The following FAM170B variants were observed in gnomAD, a reference collection of about 807,000 sequenced individuals.
FAM170B encodes the protein family with sequence similarity 170 member B.
Under a neutral mutation model 3.9 loss-of-function variants are expected in FAM170B, and 4 were observed. The ratio of observed to expected loss-of-function variants is 1.01; its 90% confidence interval spans 0.50 to 2.32. The LOEUF (loss-of-function observed/expected upper bound fraction) is 2.32, where lower values mean the gene tolerates loss of function less well. Among genes scored for constraint, FAM170B ranks in the 30% most tolerant of loss-of-function variants. The pLI is 0.02. For missense variants in FAM170B, 417 were observed against 368.6 expected (o/e 1.13, Z -1.07); for synonymous variants, 163 against 149.8 (o/e 1.09, Z -0.64).
Position 49,133,857 on chromosome 10 carries a change from C to T in FAM170B, c.62G>A (p.Ser21Asn), listed in dbSNP as rs2132046675. Residue 21 changes from serine to asparagine, a missense_variant, in exon 1 of 2, where the codon AGC (serine) becomes AAC (asparagine). Ser to Asn is a conservative substitution (Grantham distance 46, BLOSUM62 1). Coordinates refer to ENST00000311787, the MANE Select transcript of FAM170B (RefSeq NM_001164484.2). ...CTCAGTGGACTCAGGGCTGGTCAAG[C>T]TGAGGGTGGTCCCATCGGTGGGTGA... ...EQSPTDGTTLSLTSPESTEES... is the reference protein window; with the variant it reads ...EQSPTDGTTLNLTSPESTEES... The T allele has an allele frequency of 1.3e-6, 2 of 1,551,714 alleles. No homozygotes were observed. Among genetic ancestry groups the T allele is most frequent in the Admixed American group, 3.9e-5 (2 of 51,004 alleles).
chr10:49,133,525 C>A (rs79493938), intron 1 of FAM170B, among the ~76,000 whole-genome samples: 10 of 152,290 alleles, frequency 6.6e-5, no homozygotes, highest in Admixed American at 5.9e-4. Context: ...ACAGGATGGA[C>A]GTGTTGTTTT....
In FAM170B at chr10:49,132,156, C is replaced by T; in HGVS notation, c.309G>A (p.Pro103=). 1 of 1,551,762 alleles carries T rather than the reference C, an allele frequency of 6.4e-7. No homozygotes were observed. Among genetic ancestry groups the T allele is most frequent in the Non-Finnish European group, 8.7e-7 (1 of 1,146,984 alleles). The change falls in exon 2 of 2, where the codon CCG becomes CCA. Residue 103 remains proline, a synonymous_variant. Coordinates refer to ENST00000311787, the MANE Select transcript of FAM170B (RefSeq NM_001164484.2). ...SCMCDEDNAA[P]QSVCAFYTHV... ...GCGTGTAGAAGGCACACACACTCTG[C>T]GGAGCAGCATTGTCCTCATCGCACA...
At chr10:49,132,634 A>C (rs1346500717) in intron 1 of FAM170B, among the ~76,000 whole-genome samples, 2 of 152,176 alleles carry the variant, frequency 1.3e-5, no homozygotes, top group African/African-American at 2.4e-5. Flanking sequence ...TAGGGATATG[A>C]TGATAAGGAT....
intron 1 of FAM170B, 50 bp downstream of exon 1, chr10:49,133,757 T>A (rs1173060717): frequency 3.3e-6 from 5 of 1,494,148 alleles, no homozygotes; most frequent in Non-Finnish European, 3.7e-6. Context: ...CAGGGCTTCC[T>A]TCCCAGGGAG....
At chr10:49,133,139 A>G (rs1489485576) in intron 1 of FAM170B, among the ~76,000 whole-genome samples, 2 of 152,244 alleles carry the variant, frequency 1.3e-5, no homozygotes, top group Admixed American at 6.5e-5. Context: ...CCATTTAAAA[A>G]ACAACACATG....
rs1028085707 is a variant in FAM170B, at chr10:49,131,559, G to A, written c.*54C>T. 5 of 1,485,348 alleles carry A rather than the reference G, an allele frequency of 3.4e-6. No homozygotes were observed. The highest frequency in any genetic ancestry group is 2.5e-5 in the East Asian group (1 of 40,362). 92.0% of individuals were successfully genotyped at this position (1,485,348 alleles called of 1,614,324 possible). ...GGCTCTGATACTGCTGGCTGGGGAA[G>A]GAGCAGTCCCAGGCCCTGGAGGTGA... On this transcript the variant is annotated 3_prime_UTR_variant, in exon 2 of 2. Coordinates refer to ENST00000311787, the MANE Select transcript of FAM170B (RefSeq NM_001164484.2).
At position 49,131,787 on chromosome 10, in the gene FAM170B, G is replaced by T. The variant is rs1249828052; in HGVS notation, c.678C>A (p.Gly226=). ...TCTGACAGCTGAAGCCCTCCCGGAT[G>T]CCATGCTGGGCGTGCTCCAGCAGAG... is the stretch of plus-strand genomic sequence containing the variant. ...LDALLEHAQH[G]IREGFSCQIF... Residue 226 remains glycine (G), a synonymous_variant, in exon 2 of 2, where the codon GGC becomes GGA. Transcript: ENST00000311787. 1 of 1,550,514 alleles carries T rather than the reference G, an allele frequency of 6.4e-7. No individual in the cohort carries two copies. Among genetic ancestry groups the T allele is most frequent in the Admixed American group, 2.0e-5 (1 of 51,012 alleles).
At chr10:49,133,716 C>T in intron 1 of FAM170B, 91 bp downstream of exon 1, 2 of 1,024,526 alleles carry the variant, frequency 2.0e-6, no homozygotes, top group Non-Finnish European at 3.0e-6. Flanking sequence ...GTAACAGTAT[C>T]AGGAGGCAAC....
intron 1 of FAM170B, among the ~76,000 whole-genome samples, chr10:49,132,823 T>C (rs1324747368): frequency 6.8e-6 from 1 of 145,994 alleles, no homozygotes; most frequent in African/African-American, 2.5e-5. Context: ...AAAAAGGCCA[T>C]GTAGTCATAA....
At chr10:49,132,736 T>G (rs1018664269) in intron 1 of FAM170B, among the ~76,000 whole-genome samples, 2 of 151,918 alleles carry the variant, frequency 1.3e-5, no homozygotes, top group South Asian at 2.1e-4. Context: ...TGCAACCTGT[T>G]AAATCCATGA....
Position 49,131,940 on chromosome 10 carries a change from G to A in FAM170B, c.525C>T (p.Pro175=), listed in dbSNP as rs759103665. Residue 175 remains proline, a synonymous_variant, in exon 2 of 2, where the codon CCC becomes CCT. Coordinates refer to ENST00000311787, the MANE Select transcript of FAM170B (RefSeq NM_001164484.2). The part of the protein sequence containing the change: ...DLEACKSNCS[P]EPEDIDLLEC... ...CCAGCAGGTCTATGTCCTCGGGCTC[G>A]GGGCTGCAGTTGCTCTTGCAGGCTT... is the stretch of plus-strand genomic sequence containing the variant. The A allele has an allele frequency of 1.9e-6, 3 of 1,550,458 alleles. No homozygotes were observed. The highest frequency in any genetic ancestry group is 1.4e-5 in the African/African-American group (1 of 73,070).
chr10:49,132,940 C>T (rs889364379), intron 1 of FAM170B, among the ~76,000 whole-genome samples: 2 of 152,050 alleles, frequency 1.3e-5, no homozygotes, highest in Non-Finnish European at 2.9e-5. Context: ...TCAGTGGTTG[C>T]CCAGAGCTGG....
rs1471777285 is a variant in FAM170B at position 49,133,801 on chromosome 10, A to T, written c.112+6T>A. ...GCTGACCTTCCAGGCCTTTCTTTTC[A>T]CCTACCTGGCCAGAACACTTCCACA... On this transcript the variant is annotated splice_donor_region_variant and intron_variant, in intron 1 of 1. Transcript: ENST00000311787. 1 of 1,550,896 alleles carries T rather than the reference A, an allele frequency of 6.4e-7. No individual in the cohort carries two copies. The highest frequency in any genetic ancestry group is 8.7e-7 in the Non-Finnish European group (1 of 1,146,700).
rs1419720519 is a variant in FAM170B, at chr10:49,132,300, C to T, written c.165G>A (p.Arg55=). 1 of 1,551,014 alleles carries T rather than the reference C, an allele frequency of 6.4e-7. No homozygotes were observed. The highest frequency in any genetic ancestry group is 2.4e-5 in the East Asian group (1 of 40,930). Residue 55 remains arginine (R), a synonymous_variant, in exon 2 of 2, where the codon CGG becomes CGA. Transcript: ENST00000311787. The part of the protein sequence containing the change: ...SSPRPGPAIP[R]EEGLYFAARD... ...TGGCAGCGAAGTAGAGGCCCTCCTC[C>T]CGGGGAATGGCAGGCCCCGGCCGTG...
chr10:49,133,758 TCC>T (rs1564608311), intron 1 of FAM170B, 47 bp downstream of exon 1: 3 of 1,479,806 alleles, frequency 2.0e-6, no homozygotes, highest in Non-Finnish European at 1.8e-6. Context: ...AGGGCTTCCT[TCC>T]CAGGGAGCAC....
intron 1 of FAM170B, among the ~76,000 whole-genome samples, chr10:49,132,782 A>T (rs978562220): frequency 1.3e-5 from 2 of 152,058 alleles, no homozygotes; most frequent in African/African-American, 4.8e-5. Flanking sequence ...ATGAATCCTG[A>T]ATGCATTATG....
intron 1 of FAM170B, among the ~76,000 whole-genome samples, chr10:49,133,043 C>T (rs901134713): frequency 6.6e-6 from 1 of 152,052 alleles, no homozygotes; most frequent in Admixed American, 6.5e-5. Flanking sequence ...GTTGGTGGTT[C>T]CACAAATGTA....
In FAM170B at chr10:49,133,890, C is replaced by T. The variant is rs546716271; in HGVS notation, c.29G>A (p.Gly10Glu). 10 of 1,551,660 alleles carry T rather than the reference C, an allele frequency of 6.4e-6. No homozygotes were observed. In the East Asian group the frequency reaches 2.4e-4, roughly 38 times the overall value. MKCYFTDHR[G>E]EQSPTDGTTL... ...GGTCCCATCGGTGGGTGACTGTTCT[C>T]CCCTGTGATCTGTGAAGTAGCATTT... is the stretch of plus-strand genomic sequence containing the variant. Residue 10 changes from glycine to glutamate, a missense_variant, in exon 1 of 2, where the codon GGA (glycine) becomes GAA (glutamate). Physicochemically the swap from Gly to Glu is moderately conservative, Grantham distance 98 (BLOSUM62 -2). Transcript: ENST00000311787.
At position 49,132,059 on chromosome 10, in the gene FAM170B, G is replaced by A; in HGVS notation, c.406C>T (p.Pro136Ser). ...ATGAACTGGGCTTCATGGATGCGGG[G>A]CTTCCTGGTGACCGGCTCGAAGCCG... ...EAGFEPVTRK[P>S]RIHEAQFIKR... is the part of the protein sequence containing the mutation. Residue 136 changes from proline to serine, a missense_variant, in exon 2 of 2, where the codon CCC becomes TCC. Pro to Ser is a moderately conservative substitution (Grantham distance 74, BLOSUM62 -1). Coordinates refer to ENST00000311787, the MANE Select transcript of FAM170B (RefSeq NM_001164484.2). The A allele has an allele frequency of 6.4e-7, 1 of 1,551,764 alleles. No homozygotes were observed. The highest frequency in any genetic ancestry group is 1.4e-5 in the African/African-American group (1 of 73,188).
Sources: allele counts gnomAD v4.1 joint callset (sites outside exome capture counted in the v4.1 genomes callset), GRCh38; gene constraint gnomAD v4.1.1; transcripts MANE v1.5; gene names NCBI Gene and HGNC (gene_info 2026-07-23, HGNC 2026-07-21).